TAB2: variants seen among roughly 807,000 people sequenced by gnomAD.
TAB2 encodes TGF-beta activated kinase 1 (MAP3K7) binding protein 2.
In TAB2, 3 loss-of-function variants were observed where a neutral mutation model predicts 65.0. The ratio of observed to expected loss-of-function variants is 0.05; its 90% CI spans 0.02 to 0.12. The LOEUF (loss-of-function observed/expected upper bound fraction) is 0.12. TAB2 is among the 10% of genes least tolerant of loss of function. TAB2 has a pLI of 1.00. For missense variants in TAB2, 623 were observed against 840.3 expected (o/e 0.74, Z 3.20); for synonymous variants, 298 against 285.1 (o/e 1.05, Z -0.46).
chr6:149,296,368 G>A (rs112568520), intron 1 of TAB2, among the ~76,000 whole-genome samples: 3,854 of 152,288 alleles, frequency 0.025, 178 homozygotes, highest in African/African-American at 0.089. Flanking sequence ...CCTCAAGCCT[G>A]TCAAATGAGG....
intron 6 of TAB2, among the ~76,000 whole-genome samples, chr6:149,402,054 C>G (rs951582205): frequency 3.6e-5 from 5 of 138,304 alleles, no homozygotes; most frequent in African/African-American, 1.3e-4. Context: ...AGAAGAACAA[C>G]AAGCTAAGCC....
intron 1 of TAB2, among the ~76,000 whole-genome samples, chr6:149,284,065 A>C (rs969601506): frequency 9.2e-5 from 14 of 152,128 alleles, no homozygotes; most frequent in African/African-American, 3.4e-4. Context: ...AAATTGACCT[A>C]TATATCTTCT....
At chr6:149,295,013 T>C (rs1778850051) in intron 1 of TAB2, among the ~76,000 whole-genome samples, 1 of 152,256 alleles carries the variant, frequency 6.6e-6, no homozygotes, top group Non-Finnish European at 1.5e-5. Flanking sequence ...GTTTTATTTC[T>C]TCTTTCCAGT....
chr6:149,231,392 A>C (rs1233205099), intron 1 of TAB2, among the ~76,000 whole-genome samples: 1 of 152,236 alleles, frequency 6.6e-6, no homozygotes, highest in Non-Finnish European at 1.5e-5. Context: ...TTATATACTT[A>C]TGCAATCAGA....
At chr6:149,385,300 T>A (rs1250684674) in intron 3 of TAB2, among the ~76,000 whole-genome samples, 1 of 152,264 alleles carries the variant, frequency 6.6e-6, no homozygotes, top group Non-Finnish European at 1.5e-5. Flanking sequence ...ACTTGTACTT[T>A]GTTTAACTTT....
At chr6:149,272,623 T>C (rs565810242) in intron 1 of TAB2, among the ~76,000 whole-genome samples, 202 of 152,288 alleles carry the variant, frequency 1.3e-3, no homozygotes, top group African/African-American at 4.4e-3. Context: ...ACCCAAATCA[T>C]CCAGGATAAT....
In TAB2 at chr6:149,379,193, G is replaced by A; in HGVS notation, c.1278G>A (p.Val426=). 6.2e-7 allele frequency: 1 copy of A among 1,614,212 alleles called. No individual in the cohort carries two copies. The highest frequency in any genetic ancestry group is 1.1e-5 in the South Asian group (1 of 91,084). The change falls in exon 3 of 7, where the codon GTG becomes GTA. Residue 426 remains valine, a synonymous_variant. Transcript: ENST00000637181. ...CCTCCAGGAACATGTCTGGGCAAGT[G>A]AGCATGGGTCCTGCCTTTATTCATC... The part of the protein sequence containing the change: ...SAASRNMSGQ[V]SMGPAFIHHH...
intron 1 of TAB2, among the ~76,000 whole-genome samples, chr6:149,369,114 T>C (rs1052793639): frequency 2.6e-5 from 4 of 152,192 alleles, no homozygotes; most frequent in Non-Finnish European, 4.4e-5. Flanking sequence ...AATAGCATGA[T>C]TTTAAATGTC....
intron 1 of TAB2, among the ~76,000 whole-genome samples, chr6:149,240,470 G>A (rs987750372): frequency 8.5e-5 from 13 of 152,132 alleles, no homozygotes; most frequent in Non-Finnish European, 1.2e-4. Flanking sequence ...AGATGCCTTC[G>A]GGAGAGTTTC....
chr6:149,269,727 C>T (rs1019786339), intron 1 of TAB2, among the ~76,000 whole-genome samples: 1 of 152,190 alleles, frequency 6.6e-6, no homozygotes, highest in African/African-American at 2.4e-5. Context: ...TGCCTTCTTT[C>T]ACTTGGTATA....
intron 1 of TAB2, among the ~76,000 whole-genome samples, chr6:149,257,770 C>T (rs1778069741): frequency 6.6e-6 from 1 of 152,048 alleles, no homozygotes; most frequent in Non-Finnish European, 1.5e-5. Context: ...CTGATAACTC[C>T]CCTAAAATCT....
intron 6 of TAB2, among the ~76,000 whole-genome samples, chr6:149,403,309 T>TACAC (rs1562456503): frequency 1.3e-4 from 9 of 69,642 alleles, no homozygotes; most frequent in African/African-American, 5.4e-4. Context: ...TATATATATA[T>TACAC]ATATACACAC....
chr6:149,296,044 C>T (rs9485375), intron 1 of TAB2, among the ~76,000 whole-genome samples: 8,098 of 152,310 alleles, frequency 0.053, 690 homozygotes, highest in African/African-American at 0.18. Flanking sequence ...TGCTGGATTA[C>T]AGGCATAAGC....
At chr6:149,392,250 C>T (rs150104570) in intron 3 of TAB2, among the ~76,000 whole-genome samples, 109 of 152,236 alleles carry the variant, frequency 7.2e-4, no homozygotes, top group Non-Finnish European at 1.3e-3. Flanking sequence ...AAACAGTTCT[C>T]CTGCCTCAGC....
At chr6:149,297,485 C>T (rs1413485569) in intron 1 of TAB2, among the ~76,000 whole-genome samples, 2 of 152,102 alleles carry the variant, frequency 1.3e-5, no homozygotes, top group Non-Finnish European at 2.9e-5. Flanking sequence ...TTTCAATTAG[C>T]ATATTCAATT....
At chr6:149,277,419 T>TA (rs1239474611) in intron 1 of TAB2, among the ~76,000 whole-genome samples, 2 of 152,112 alleles carry the variant, frequency 1.3e-5, no homozygotes, top group Non-Finnish European at 2.9e-5. Context: ...ACTGTTAAGA[T>TA]AAAAAGCAAG....
At chr6:149,275,829 C>A (rs996924407) in intron 1 of TAB2, among the ~76,000 whole-genome samples, 1 of 152,136 alleles carries the variant, frequency 6.6e-6, no homozygotes, top group African/African-American at 2.4e-5. Context: ...AAGCATCAAA[C>A]AAATTCCAAC....
intron 1 of TAB2, among the ~76,000 whole-genome samples, chr6:149,353,149 C>T (rs921580167): frequency 1.9e-4 from 29 of 152,122 alleles, no homozygotes; most frequent in African/African-American, 6.7e-4. Context: ...TGTGTAGGCC[C>T]TACATCCAGA....
chr6:149,409,608 T>C lies in TAB2; in HGVS notation c.1971T>C (p.Thr657=). 1 of 1,614,068 alleles carries C rather than the reference T, an allele frequency of 6.2e-7. No individual in the cohort carries two copies. ...GGTCCATCATCAAAACACCAAAGAC[T>C]CAAGACACAGAAGATGATGAGGGAG... ...DQRSIIKTPK[T]QDTEDDEGAQ... Residue 657 remains threonine, a synonymous_variant, in exon 7 of 7, where the codon ACT becomes ACC. Transcript: ENST00000637181.
Sources: allele counts gnomAD v4.1 joint callset (sites outside exome capture counted in the v4.1 genomes callset), GRCh38; gene constraint gnomAD v4.1.1; transcripts MANE v1.5; gene names NCBI Gene and HGNC (gene_info 2026-07-23, HGNC 2026-07-21).